DNAI3: variants seen among roughly 807,000 people sequenced by gnomAD.
DNAI3 encodes dynein axonemal intermediate chain 3.
A neutral mutation model predicts 115.5 loss-of-function variants in DNAI3; 83 were observed. The observed-to-expected ratio is 0.72, with a 90% confidence interval of 0.60 to 0.86. The LOEUF is 0.86. Ranked by LOEUF, DNAI3 falls within the 40% of genes least tolerant of loss-of-function variation. The pLI is 0.00. For missense variants in DNAI3, 1,004 were observed against 1,075.8 expected (o/e 0.93, Z 0.93); for synonymous variants, 320 against 347.0 (o/e 0.92, Z 0.86).
chr1:85,093,523 CAGA>C lies in DNAI3; in HGVS notation c.932_934del (p.Glu311del), dbSNP rs1302985386. 3.7e-6 allele frequency: 6 copies of C among 1,614,108 alleles called. No homozygotes were observed. In the South Asian group the frequency reaches 4.4e-5, roughly 12 times the overall value. On this transcript the variant is annotated inframe_deletion, in exon 9 of 23. Coordinates refer to ENST00000294664, the MANE Select transcript of DNAI3 (RefSeq NM_145172.5). ...TTTATTGATGACTGGAAATACCTCG[CAGA>C]AGAAGAAGGCACCTTTGGGGACAAG...
At chr1:85,080,052 T>TC (rs1359544605) in intron 3 of DNAI3, among the ~76,000 whole-genome samples, 3 of 134,308 alleles carry the variant, frequency 2.2e-5, no homozygotes, top group African/African-American at 8.3e-5. Flanking sequence ...TTTTCTTTTT[T>TC]TTTTTTTTTT....
At chr1:85,125,774 C>A (rs1277505931) in intron 19 of DNAI3, among the ~76,000 whole-genome samples, 1 of 152,262 alleles carries the variant, frequency 6.6e-6, no homozygotes, top group East Asian at 1.9e-4. Context: ...TGGGAGACAG[C>A]TCCATGATTT....
chr1:85,066,607 C>T (rs1654108871), intron 1 of DNAI3, among the ~76,000 whole-genome samples: 1 of 151,988 alleles, frequency 6.6e-6, no homozygotes, highest in African/African-American at 2.4e-5. Context: ...GGATTACAGG[C>T]GTGAGCCACT....
At chr1:85,129,579 CA>C (rs1656253451) in intron 21 of DNAI3, among the ~76,000 whole-genome samples, 1 of 152,120 alleles carries the variant, frequency 6.6e-6, no homozygotes, top group African/African-American at 2.4e-5. Context: ...AAACTTCCCC[CA>C]GATTTAGAAG....
chr1:85,072,876 AC>A (rs528563466), intron 2 of DNAI3, among the ~76,000 whole-genome samples, 177 bp from the exon 3 acceptor site: 71 of 144,434 alleles, frequency 4.9e-4, no homozygotes, highest in African/African-American at 1.6e-3. Context: ...AATGGCGTGA[AC>A]CCAGGATGTG....
chr1:85,081,473 A>G (rs1654630245), intron 4 of DNAI3, 58 bp downstream of exon 4: 1 of 1,450,624 alleles, frequency 6.9e-7, no homozygotes, highest in Non-Finnish European at 9.1e-7. Context: ...CTGGTACATA[A>G]TAACAAAAGT....
At chr1:85,094,141 T>C in intron 9 of DNAI3, 1 of 433,446 alleles carries the variant, frequency 2.3e-6, no homozygotes, top group Non-Finnish European at 4.2e-6. Context: ...CTGGCCCTTT[T>C]CTCACAAAAA....
At position 85,104,606 on chromosome 1, in the gene DNAI3, T is replaced by C. The variant is rs1655430939; in HGVS notation, c.1553+9T>C. ...ACATGTTCAGCAGATTGGTAAGTCT[T>C]GTTTCAAACATTTCCTAATGTGTTT... On this transcript the variant is annotated intron_variant, in intron 14 of 22. Transcript: ENST00000294664. 6.2e-7 allele frequency: 1 copy of C among 1,612,552 alleles called. No individual in the cohort carries two copies. Among genetic ancestry groups the C allele is most frequent in the South Asian group, 1.1e-5 (1 of 90,864 alleles).
intron 19 of DNAI3, among the ~76,000 whole-genome samples, chr1:85,124,738 T>A (rs1000936970): frequency 6.6e-6 from 1 of 152,186 alleles, no homozygotes; most frequent in Non-Finnish European, 1.5e-5. Context: ...TTCACCATGT[T>A]GCCCAGGCTG....
chr1:85,068,236 ACTTCATATAC>A (rs1294073437), intron 1 of DNAI3, among the ~76,000 whole-genome samples: 2 of 152,160 alleles, frequency 1.3e-5, no homozygotes, highest in African/African-American at 4.8e-5. Flanking sequence ...TTGCAGTCTA[ACTTCATATAC>A]CTTCAGTTGA....
chr1:85,064,180 A>G (rs1349593457), intron 1 of DNAI3, among the ~76,000 whole-genome samples: 6 of 152,164 alleles, frequency 3.9e-5, no homozygotes, highest in Non-Finnish European at 7.4e-5. Flanking sequence ...CAGGCTGCCA[A>G]AGGTTCATGG....
Position 85,073,649 on chromosome 1 carries a change from G to C in DNAI3, c.103+557G>C, listed in dbSNP as rs1055961227. Reference sequence around the variant, plus strand: ...TTAGAAACAGAAAGGAGACAATGAGGGGGGCAAGGAGGAAGACCTAAAAGC... The same window carrying C: ...TTAGAAACAGAAAGGAGACAATGAGCGGGGCAAGGAGGAAGACCTAAAAGC... On this transcript the variant is annotated intron_variant, in intron 3 of 22. Coordinates refer to ENST00000294664, the MANE Select transcript of DNAI3 (RefSeq NM_145172.5). Among the ~76,000 whole-genome samples the C allele has an allele frequency of 5.3e-5, 8 of 152,142 alleles. No homozygotes were observed. The East Asian group carries it at 1.2e-3, about 22-fold the overall frequency.
Position 85,082,339 on chromosome 1 carries a change from G to T in DNAI3, c.325G>T (p.Asp109Tyr), listed in dbSNP as rs759023295. ...TGAGCTTCTGCTTGTTTATGACAAA[G>T]ACTTCAAATATGGACTTAACTTTTA... ...GNELLLVYDK[D>Y]FKYGLNFYLI... Residue 109 changes from aspartate to tyrosine, a missense_variant, in exon 5 of 23, where the codon GAC (aspartate) becomes TAC (tyrosine). Coordinates refer to ENST00000294664, the MANE Select transcript of DNAI3 (RefSeq NM_145172.5). 1.4e-5 allele frequency: 23 copies of T among 1,613,796 alleles called. No individual in the cohort carries two copies. The highest frequency in any genetic ancestry group is 6.7e-5 in the African/African-American group (5 of 75,016).
At chr1:85,099,774 A>C (rs987322191) in intron 13 of DNAI3, among the ~76,000 whole-genome samples, 1 of 152,230 alleles carries the variant, frequency 6.6e-6, no homozygotes, top group Non-Finnish European at 1.5e-5. Flanking sequence ...CAAAACAGAG[A>C]TATAGATCAA....
chr1:85,098,489 C>G, intron 12 of DNAI3, 41 bp from the exon 13 acceptor site: 1 of 1,601,140 alleles, frequency 6.2e-7, no homozygotes, highest in Non-Finnish European at 8.5e-7. Flanking sequence ...ATTCATCAGC[C>G]CTCTGAAATT....
intron 5 of DNAI3, among the ~76,000 whole-genome samples, chr1:85,082,692 G>A (rs750889603): frequency 6.6e-6 from 1 of 152,174 alleles, no homozygotes; most frequent in Non-Finnish European, 1.5e-5. Flanking sequence ...GGAAGCAGAA[G>A]CGGTACCTCT....
chr1:85,068,652 A>C (rs941086879), intron 1 of DNAI3, among the ~76,000 whole-genome samples: 3 of 152,168 alleles, frequency 2.0e-5, no homozygotes, highest in Non-Finnish European at 2.9e-5. Context: ...CCTCATTCAG[A>C]GTGAAAGCCA....
At chr1:85,096,178 C>T (rs1286781120) in intron 11 of DNAI3, among the ~76,000 whole-genome samples, 158 bp downstream of exon 11, 3 of 152,118 alleles carry the variant, frequency 2.0e-5, no homozygotes, top group African/African-American at 7.2e-5. Context: ...GGTATAGAGA[C>T]GTGTTACACA....
chr1:85,097,481 T>A, intron 11 of DNAI3, 88 bp from the exon 12 acceptor site: 7 of 1,225,436 alleles, frequency 5.7e-6, no homozygotes, highest in Non-Finnish European at 7.8e-6. Flanking sequence ...GATTGACTTA[T>A]CAGGCTACAA....
Sources: allele counts gnomAD v4.1 joint callset (sites outside exome capture counted in the v4.1 genomes callset), GRCh38; gene constraint gnomAD v4.1.1; transcripts MANE v1.5; gene names NCBI Gene and HGNC (gene_info 2026-07-23, HGNC 2026-07-21).